TNFRSF10A: variants seen among roughly 807,000 people sequenced by gnomAD.
TNFRSF10A encodes TNF receptor superfamily member 10a.
A neutral mutation model predicts 42.8 loss-of-function variants in TNFRSF10A; 44 were observed. The ratio of observed to expected loss-of-function variants is 1.03; its 90% confidence interval spans 0.81 to 1.32. The LOEUF is 1.32. Ranked by LOEUF, TNFRSF10A falls within the 40% of genes most tolerant of loss-of-function variation. TNFRSF10A has a pLI of 0.00. For missense variants in TNFRSF10A, 680 were observed against 602.0 expected, an observed-to-expected ratio of 1.13 and a Z score of -1.36; for synonymous variants, 259 against 234.2, an observed-to-expected ratio of 1.11 and a Z score of -0.97.
chr8:23,199,440 GA>G lies in TNFRSF10A; in HGVS notation c.839del (p.Phe280SerfsTer21). 1 of 1,611,360 alleles carries G rather than the reference GA, an allele frequency of 6.2e-7. No homozygotes were observed. The highest frequency in any genetic ancestry group is 8.5e-7 in the Non-Finnish European group (1 of 1,177,642). On this transcript the variant is annotated frameshift_variant, in exon 8 of 10. Coordinates refer to ENST00000221132, the MANE Select transcript of TNFRSF10A (RefSeq NM_003844.4). LOFTEE classifies it high-confidence loss of function. ...GDPKCMDRVCFWRLGLLRGPG... is the reference protein window; with the variant it reads ...GDPKCMDRVCXWRLGLLRGPG... ...GCCCTCGTAGGAGACCCAAGCGCCAGAAACACACCTTAGGAAGGCAAAGAGC... is the reference window on the plus strand; with the variant it reads ...GCCCTCGTAGGAGACCCAAGCGCCAGAACACACCTTAGGAAGGCAAAGAGC...
At position 23,201,730 on chromosome 8, in the gene TNFRSF10A, G is replaced by A. The variant is rs535064571; in HGVS notation, c.629+78C>T. On this transcript the variant is annotated intron_variant, in intron 4 of 9. Coordinates refer to ENST00000221132, the MANE Select transcript of TNFRSF10A (RefSeq NM_003844.4). ...CAGGGCTGATAGATACGGGTACAAGGAGACTCGGGTCTTTTTAGGGTTCCT... is the reference window on the plus strand; with the variant it reads ...CAGGGCTGATAGATACGGGTACAAGAAGACTCGGGTCTTTTTAGGGTTCCT... 4.2e-4 allele frequency: 555 copies of A among 1,307,552 alleles called. 1 individual carries two copies. The highest frequency in any genetic ancestry group is 5.8e-4 in the Non-Finnish European group (528 of 918,138). The allele number at this position is 1,307,552 out of a possible 1,614,324, so 81.0% of individuals were successfully genotyped here. A position where few individuals can be genotyped will look rare whatever the true frequency, so the allele number is the denominator to read the frequency against.
chr8:23,224,006 G>A (rs1017398374), intron 1 of TNFRSF10A, among the ~76,000 whole-genome samples: 1 of 152,220 alleles, frequency 6.6e-6, no homozygotes, highest in Non-Finnish European at 1.5e-5. Context: ...CTGCCGGGCT[G>A]CGTGTTTAAC....
chr8:23,197,010 T>C, intron 9 of TNFRSF10A, 122 bp downstream of exon 9: 1 of 1,277,578 alleles, frequency 7.8e-7, no homozygotes, highest in Non-Finnish European at 1.1e-6. Flanking sequence ...GTCTATAGCA[T>C]AGGACCCCCA....
chr8:23,206,023 G>C (rs1271251308), intron 2 of TNFRSF10A, among the ~76,000 whole-genome samples: 2 of 151,938 alleles, frequency 1.3e-5, no homozygotes, highest in East Asian at 3.9e-4. Flanking sequence ...GCCAATGTCT[G>C]TGTTTCTATC....
chr8:23,192,232 C>G (rs1484562501), intron 9 of TNFRSF10A, among the ~76,000 whole-genome samples: 1 of 152,202 alleles, frequency 6.6e-6, no homozygotes, highest in Non-Finnish European at 1.5e-5. Flanking sequence ...GCGTCAAGGT[C>G]ACCAGAGAAT....
At chr8:23,202,001 C>CCTCAG (rs1554522917) in intron 3 of TNFRSF10A, 82 bp from the exon 4 acceptor site, 4 of 1,273,644 alleles carry the variant, frequency 3.1e-6, no homozygotes, top group Non-Finnish European at 4.5e-6. Context: ...ACTCCCTCCC[C>CCTCAG]CTCAGCTCAG....
chr8:23,199,574 G>C (rs911390723), intron 7 of TNFRSF10A, 126 bp from the exon 8 acceptor site: 10 of 1,198,852 alleles, frequency 8.3e-6, no homozygotes, highest in Admixed American at 7.1e-5. Context: ...TCCATGCTCA[G>C]CACATCCAGG....
chr8:23,224,770 C>A lies in TNFRSF10A; in HGVS notation c.292G>T (p.Gly98Trp). Residue 98 changes from glycine (G) to tryptophan (W), a missense_variant, in exon 1 of 10, where the codon GGG becomes TGG. Gly to Trp is a radical substitution (Grantham distance 184). Coordinates refer to ENST00000221132, the MANE Select transcript of TNFRSF10A (RefSeq NM_003844.4). ...TGGGGACTCACCTGCAGCAGGACCC[C>A]GACGACGACAAACTTGAAGGTCTTG... The part of the protein sequence containing the change: ...VHKTFKFVVV[G>W]VLLQVVPSSA... 1 of 1,567,848 alleles carries A rather than the reference C, an allele frequency of 6.4e-7. No individual in the cohort carries two copies.
chr8:23,210,870 C>G (rs1450178055), intron 2 of TNFRSF10A, among the ~76,000 whole-genome samples: 1 of 152,134 alleles, frequency 6.6e-6, no homozygotes, highest in Non-Finnish European at 1.5e-5. Context: ...AACTCCAACA[C>G]CCTTTCATGA....
At chr8:23,215,885 C>G (rs1418776070) in intron 1 of TNFRSF10A, among the ~76,000 whole-genome samples, 1 of 150,646 alleles carries the variant, frequency 6.6e-6, no homozygotes, top group Middle Eastern at 3.4e-3. Flanking sequence ...GTGGCGTGAT[C>G]TCGGCTCACT....
intron 2 of TNFRSF10A, among the ~76,000 whole-genome samples, chr8:23,207,900 G>GAAAAAAAAAAAA (rs71208593): frequency 8.0e-6 from 1 of 124,964 alleles, no homozygotes. Flanking sequence ...TCAGCAGCAC[G>GAAAAAAAAAAAA]AAAAAAAAAA....
chr8:23,212,072 GAA>G (rs1351657480), intron 2 of TNFRSF10A, 42 bp downstream of exon 2: 5 of 1,538,410 alleles, frequency 3.3e-6, no homozygotes, highest in Admixed American at 3.4e-5. Context: ...ATAGGGTAAG[GAA>G]AAGAGAGGTG....
At position 23,224,848 on chromosome 8, in the gene TNFRSF10A, G is replaced by C; in HGVS notation, c.214C>G (p.Arg72Gly). ...CGCGCCGGCCTGGGTCCTGGGGCGC[G>C]CCCTGCCCGGGCCCGGGCACTGGGT... ...HGPSARARAG[R>G]APGPRPAREA... The change falls in exon 1 of 10, where the codon CGC becomes GGC. Residue 72 changes from arginine to glycine, a missense_variant. Arg to Gly is a moderately radical substitution (Grantham distance 125, BLOSUM62 -2). Coordinates refer to ENST00000221132, the MANE Select transcript of TNFRSF10A (RefSeq NM_003844.4). The C allele has an allele frequency of 1.9e-6, 3 of 1,566,676 alleles. No homozygotes were observed. The highest frequency in any genetic ancestry group is 1.7e-6 in the Non-Finnish European group (2 of 1,156,002).
chr8:23,198,071 A>G (rs1163223659), intron 8 of TNFRSF10A, among the ~76,000 whole-genome samples: 1 of 152,058 alleles, frequency 6.6e-6, no homozygotes, highest in African/African-American at 2.4e-5. Flanking sequence ...TAATGCAAGA[A>G]AGGAACTGAA....
chr8:23,209,486 G>T (rs1801063542), intron 2 of TNFRSF10A, among the ~76,000 whole-genome samples: 1 of 152,242 alleles, frequency 6.6e-6, no homozygotes, highest in African/African-American at 2.4e-5. Flanking sequence ...GCCAGGAGGG[G>T]CGCTATACCT....
rs112412303 is a variant in TNFRSF10A, at chr8:23,220,709, A to C, written c.306+4047T>G. 1.8e-3 allele frequency among the ~76,000 whole-genome samples: 280 copies of C among 152,330 alleles called. 2 individuals carry two copies. Among genetic ancestry groups the C allele is most frequent in the African/African-American group, 6.5e-3 (272 of 41,580 alleles). On this transcript the variant is annotated intron_variant, in intron 1 of 9. Transcript: ENST00000221132. ...GAACTGAAGGCACTGGCATTTTTCC[A>C]GACTAAGTGACACCAACTGCCCAAC...
chr8:23,209,795 T>C (rs146329459), intron 2 of TNFRSF10A, among the ~76,000 whole-genome samples: 3 of 152,360 alleles, frequency 2.0e-5, no homozygotes, highest in African/African-American at 7.2e-5. Flanking sequence ...CACATGAGAC[T>C]TTGGACGGTG....
intron 9 of TNFRSF10A, among the ~76,000 whole-genome samples, chr8:23,192,519 C>A (rs1800770570): frequency 6.6e-6 from 1 of 152,152 alleles, no homozygotes; most frequent in African/African-American, 2.4e-5. Context: ...GACCAAGAAG[C>A]AAACCTGAAG....
At chr8:23,223,141 C>T (rs760605111) in intron 1 of TNFRSF10A, among the ~76,000 whole-genome samples, 1 of 152,240 alleles carries the variant, frequency 6.6e-6, no homozygotes, top group Non-Finnish European at 1.5e-5. Context: ...TCTCGGCTCA[C>T]TGGAAGCTCC....
Sources: gnomAD v4.1 joint callset for allele counts (sites outside exome capture counted in the v4.1 genomes callset) on GRCh38, gnomAD v4.1.1 for gene constraint, MANE v1.5 for transcripts, NCBI Gene and HGNC (gene_info 2026-07-23, HGNC 2026-07-21) for gene names.